Variants in FAM117B observed in about 807,000 individuals in gnomAD.
FAM117B encodes the protein protein FAM117B.
A neutral mutation model predicts 52.8 loss-of-function variants in FAM117B; 22 were observed. That is an observed-to-expected ratio of 0.42 (90% CI 0.30 to 0.59). The LOEUF (loss-of-function observed/expected upper bound fraction) is 0.59. FAM117B is among the 20% of genes least tolerant of loss of function. FAM117B has a pLI of 0.22. For missense variants in FAM117B, 678 were observed against 802.6 expected (o/e 0.84, Z 1.88); for synonymous variants, 309 against 324.1 (o/e 0.95, Z 0.50).
intron 4 of FAM117B, among the ~76,000 whole-genome samples, chr2:202,745,746 G>C (rs1259809055): frequency 6.6e-6 from 1 of 152,190 alleles, no homozygotes; most frequent in Non-Finnish European, 1.5e-5. Flanking sequence ...AAAGTGAAGG[G>C]ATGGAAAAGG....
intron 2 of FAM117B, among the ~76,000 whole-genome samples, chr2:202,720,307 T>C (rs1287200438): frequency 6.6e-6 from 1 of 152,038 alleles, no homozygotes; most frequent in Non-Finnish European, 1.5e-5. Flanking sequence ...TTCTCCTTTT[T>C]ATTATGGAAA....
intron 1 of FAM117B, among the ~76,000 whole-genome samples, chr2:202,661,103 A>G (rs1238021530): frequency 6.6e-6 from 1 of 152,236 alleles, no homozygotes; most frequent in African/African-American, 2.4e-5. Context: ...GGGAGGGGGA[A>G]AAACTCAGTG....
At chr2:202,701,441 A>G (rs1291149093) in intron 2 of FAM117B, among the ~76,000 whole-genome samples, 3 of 152,202 alleles carry the variant, frequency 2.0e-5, no homozygotes, top group Non-Finnish European at 2.9e-5. Flanking sequence ...TTTGCAGCCC[A>G]TGGTTCCAAG....
rs183400117 is a variant in FAM117B at position 202,658,338 on chromosome 2, C to T, written c.601+22550C>T. ...AAAAAAATTGAGACAGAATCTCACT[C>T]TGTCTTCCAGGCTGGAGTGCAGGGG... On this transcript the variant is annotated intron_variant, in intron 1 of 7. Transcript: ENST00000392238. Among the ~76,000 whole-genome samples, 714 of 152,264 alleles carry T rather than the reference C, an allele frequency of 4.7e-3. 7 individuals carry two copies. The highest frequency in any genetic ancestry group is 0.016 in the African/African-American group (679 of 41,548).
intron 1 of FAM117B, among the ~76,000 whole-genome samples, chr2:202,663,060 C>T (rs1690153823): frequency 6.6e-6 from 1 of 152,190 alleles, no homozygotes; most frequent in African/African-American, 2.4e-5. Context: ...ATTATACATT[C>T]ATAGTTTTAT....
chr2:202,696,383 C>A (rs1308746977), intron 2 of FAM117B, among the ~76,000 whole-genome samples: 1 of 151,992 alleles, frequency 6.6e-6, no homozygotes. Context: ...TTGTATTGGG[C>A]CACGCATAAA....
intron 4 of FAM117B, among the ~76,000 whole-genome samples, chr2:202,727,678 A>G (rs954126617): frequency 6.6e-6 from 1 of 152,172 alleles, no homozygotes; most frequent in Non-Finnish European, 1.5e-5. Flanking sequence ...ATTTTATATA[A>G]GGGACTTGAG....
At chr2:202,744,255 C>T (rs1691595412) in intron 4 of FAM117B, among the ~76,000 whole-genome samples, 1 of 152,158 alleles carries the variant, frequency 6.6e-6, no homozygotes, top group Non-Finnish European at 1.5e-5. Context: ...TGTCCAGAAC[C>T]TCAGACTGCA....
chr2:202,647,407 A>G (rs772364603), intron 1 of FAM117B, among the ~76,000 whole-genome samples: 1 of 152,164 alleles, frequency 6.6e-6, no homozygotes, highest in African/African-American at 2.4e-5. Flanking sequence ...AAAACAGTTT[A>G]TTTATTTCAA....
At chr2:202,723,662 C>A (rs539908810) in intron 2 of FAM117B, among the ~76,000 whole-genome samples, 1 of 152,222 alleles carries the variant, frequency 6.6e-6, no homozygotes, top group South Asian at 2.1e-4. Context: ...TTTAGCCAAA[C>A]CTAAATAAAT....
chr2:202,731,750 T>A (rs1469158768), intron 4 of FAM117B, among the ~76,000 whole-genome samples: 1 of 151,192 alleles, frequency 6.6e-6, no homozygotes, highest in Non-Finnish European at 1.5e-5. Flanking sequence ...TGTTTGTTTG[T>A]TTGCGACGGA....
intron 1 of FAM117B, among the ~76,000 whole-genome samples, chr2:202,685,732 A>G (rs1225045181): frequency 6.6e-6 from 1 of 152,164 alleles, no homozygotes; most frequent in East Asian, 1.9e-4. Flanking sequence ...GGATATCCAT[A>G]TAGGGGAGGG....
intron 2 of FAM117B, among the ~76,000 whole-genome samples, chr2:202,721,179 C>T (rs1157264946): frequency 1.3e-5 from 2 of 151,870 alleles, no homozygotes; most frequent in Admixed American, 6.6e-5. Context: ...TCTATAAGCT[C>T]TGAATTAAAT....
Position 202,635,806 on chromosome 2 carries a change from C to A in FAM117B, c.601+18C>A. The A allele has an allele frequency of 7.0e-7, 1 of 1,421,814 alleles. No homozygotes were observed. 88.1% of individuals were successfully genotyped at this position (1,421,814 alleles called of 1,614,324 possible). A position where few individuals can be genotyped will look rare whatever the true frequency, so the allele number is the denominator to read the frequency against. On this transcript the variant is annotated intron_variant, in intron 1 of 7. Transcript: ENST00000392238. ...CAAAGCAGGTAAGTGCTGGGGGTCGCGCAGCAAGGGGGAGGCGGCTGCGGG... is the reference window on the plus strand; with the variant it reads ...CAAAGCAGGTAAGTGCTGGGGGTCGAGCAGCAAGGGGGAGGCGGCTGCGGG...
At chr2:202,744,819 C>CA (rs1044278191) in intron 4 of FAM117B, among the ~76,000 whole-genome samples, 31 of 149,858 alleles carry the variant, frequency 2.1e-4, no homozygotes, top group Admixed American at 2.7e-4. Flanking sequence ...ACTAAAAATA[C>CA]AAAAAAAATT....
intron 1 of FAM117B, among the ~76,000 whole-genome samples, chr2:202,679,779 A>C (rs1690435278): frequency 6.6e-6 from 1 of 152,238 alleles, no homozygotes; most frequent in Non-Finnish European, 1.5e-5. Flanking sequence ...AAGAATGATA[A>C]CAAAATCCCG....
rs533883837 is a variant in FAM117B at position 202,635,008 on chromosome 2, C to T, written c.-180C>T. On this transcript the variant is annotated 5_prime_UTR_variant, in exon 1 of 8. Coordinates refer to ENST00000392238, the MANE Select transcript of FAM117B (RefSeq NM_173511.4). ...TGTTGATGAGGAGCGGCGGCGGCGG[C>T]GGCGGCGGCTGCACCACCTCGTTGC... 5.4e-4 allele frequency among the ~76,000 whole-genome samples: 82 copies of T among 152,052 alleles called. 1 individual carries two copies. The highest frequency in any genetic ancestry group is 1.8e-3 in the African/African-American group (73 of 41,502).
chr2:202,708,890 G>A (rs1421388157), intron 2 of FAM117B, among the ~76,000 whole-genome samples: 1 of 152,124 alleles, frequency 6.6e-6, no homozygotes, highest in Non-Finnish European at 1.5e-5. Flanking sequence ...ATTGGTGTGA[G>A]CCACTAGGCC....
intron 2 of FAM117B, among the ~76,000 whole-genome samples, chr2:202,721,164 G>C (rs1691145910): frequency 6.6e-6 from 1 of 151,896 alleles, no homozygotes; most frequent in Non-Finnish European, 1.5e-5. Context: ...CTATATTTGA[G>C]AACCTCTATA....
Sources: allele counts gnomAD v4.1 joint callset (sites outside exome capture counted in the v4.1 genomes callset), GRCh38; gene constraint gnomAD v4.1.1; transcripts MANE v1.5; gene names NCBI Gene and HGNC (gene_info 2026-07-23, HGNC 2026-07-21).